Variants in CD81 observed in about 807,000 individuals in gnomAD.
CD81 encodes CD81 molecule, also known as CD81 antigen.
Under a neutral mutation model 30.1 loss-of-function variants are expected in CD81, and 10 were observed. That is an observed-to-expected ratio of 0.33 (90% confidence interval 0.21 to 0.56). The LOEUF is 0.56. Ranked by LOEUF, CD81 falls within the 20% of genes least tolerant of loss-of-function variation. The probability of loss-of-function intolerance (pLI) is 0.89; values close to 1 mark genes in which losing one functional copy is unlikely to be tolerated. For missense variants in CD81, 263 were observed against 308.7 expected (o/e 0.85, Z 1.11); for synonymous variants, 147 against 126.4 (o/e 1.16, Z -1.10).
chr11:2,377,459 C>A lies in CD81; in HGVS notation c.-91C>A, dbSNP rs1229652866. ...CCCCCGCCCCTCGGCCCGCCAGGCC[C>A]CCTTGCCGGCCACCCGCCAGGCCCC... On this transcript the variant is annotated 5_prime_UTR_variant, in exon 1 of 8. Coordinates refer to ENST00000263645, the MANE Select transcript of CD81 (RefSeq NM_004356.4). The surrounding 1 kb of genome is among the most constrained non-coding windows in gnomAD (Gnocchi z 7.7). The A allele has an allele frequency of 2.6e-6, 1 of 385,302 alleles. No individual in the cohort carries two copies. Among genetic ancestry groups the A allele is most frequent in the Admixed American group, 6.7e-5 (1 of 14,986 alleles). The allele number at this position is 385,302 out of a possible 1,614,324, so 23.9% of individuals were successfully genotyped here. A position where few individuals can be genotyped will look rare whatever the true frequency, so the allele number is the denominator to read the frequency against.
chr11:2,397,003 TTTTG>T lies in CD81; in HGVS notation c.*141_*144del, dbSNP rs1486948598. On this transcript the variant is annotated 3_prime_UTR_variant, in exon 8 of 8. Transcript: ENST00000263645. ...ACACGTAGCCTTTTTACTTTTGGGG[TTTTG>T]TTTTTGTTCTGAACTTTCCTGTTAC... The T allele has an allele frequency of 1.1e-5, 9 of 850,960 alleles. No homozygotes were observed. The highest frequency in any genetic ancestry group is 2.7e-5 in the East Asian group (1 of 37,630). 52.7% of individuals were successfully genotyped at this position (850,960 alleles called of 1,614,324 possible).
At chr11:2,388,304 C>T (rs895334246) in intron 1 of CD81, among the ~76,000 whole-genome samples, 20 of 151,578 alleles carry the variant, frequency 1.3e-4, no homozygotes, top group African/African-American at 4.7e-4. Flanking sequence ...ATAGAGCCCC[C>T]AGCTCCTCCA....
chr11:2,384,414 G>T (rs1360603052), intron 1 of CD81, among the ~76,000 whole-genome samples: 48 of 140,952 alleles, frequency 3.4e-4, no homozygotes, highest in Non-Finnish European at 5.6e-4. Context: ...GGGACAGCTT[G>T]GGGGGTGGGG....
At position 2,395,939 on chromosome 11, in the gene CD81, C is replaced by T. The variant is rs960741214; in HGVS notation, c.530C>T (p.Ser177Leu). Reference sequence around the variant, plus strand: ...GTGCTCAAGAACAATTTGTGTCCCTCGGGCAGCAACATCATCAGCAACCTC... The same window carrying T: ...GTGCTCAAGAACAATTTGTGTCCCTTGGGCAGCAACATCATCAGCAACCTC... Reference protein sequence around the residue: ...TSVLKNNLCPSGSNIISNLFK... With the variant: ...TSVLKNNLCPLGSNIISNLFK... Residue 177 changes from serine to leucine, a missense_variant, in exon 6 of 8, where the codon TCG becomes TTG. By Grantham distance (145) the Ser-to-Leu change is moderately radical. Transcript: ENST00000263645. 16 of 1,611,864 alleles carry T rather than the reference C, an allele frequency of 9.9e-6. No individual in the cohort carries two copies. The highest frequency in any genetic ancestry group is 4.5e-5 in the East Asian group (2 of 44,888).
At chr11:2,386,254 G>A in intron 1 of CD81, 1 of 686,456 alleles carries the variant, frequency 1.5e-6, no homozygotes, top group Non-Finnish European at 2.7e-6. Flanking sequence ...TGGGTTGCCA[G>A]TTTTCTTGCT....
chr11:2,394,072 C>T (rs1380460758), intron 2 of CD81, 23 bp from the exon 3 acceptor site: 1 of 1,584,880 alleles, frequency 6.3e-7, no homozygotes, highest in Non-Finnish European at 8.7e-7. Flanking sequence ...TAGGCACCCA[C>T]CTGGTGTCTC....
At position 2,387,579 on chromosome 11, in the gene CD81, A is replaced by G. The variant is rs147421157; in HGVS notation, c.67-2833A>G. On this transcript the variant is annotated intron_variant, in intron 1 of 7. Transcript: ENST00000263645. The stretch of plus-strand genomic sequence containing the variant: ...CCTTCCTGCCTCTCCTGCACTGTCC[A>G]CGGCCCTCCCTGTGCTCCCACGGGT... Among the ~76,000 whole-genome samples, 4 of 151,656 alleles carry G rather than the reference A, an allele frequency of 2.6e-5. No individual in the cohort carries two copies. The East Asian group carries it at 7.8e-4, about 30-fold the overall frequency.
Position 2,395,524 on chromosome 11 carries a change from C to G in CD81, c.459+4C>G, listed in dbSNP as rs116421908. The G allele has an allele frequency of 7.5e-6, 12 of 1,610,178 alleles. No individual in the cohort carries two copies. Among genetic ancestry groups the G allele is most frequent in the Non-Finnish European group, 1.0e-5 (12 of 1,177,800 alleles). On this transcript the variant is annotated splice_donor_region_variant and intron_variant, in intron 5 of 7. Transcript: ENST00000263645. The stretch of plus-strand genomic sequence containing the variant: ...GGTGAAGACCTTCCACGAGACGGTG[C>G]GGCCCCGGGGGGCGAGGGCGGGGAG...
chr11:2,378,615 G>A lies in CD81; in HGVS notation c.66+1000G>A, dbSNP rs772118387. On this transcript the variant is annotated intron_variant, in intron 1 of 7. Coordinates refer to ENST00000263645, the MANE Select transcript of CD81 (RefSeq NM_004356.4). This position sits in a 1 kb window ranked among gnomAD's most constrained non-coding sequence, Gnocchi z 4.9. ...TGTCGGTGTTAGAATTGGGGAGGGG[G>A]TGGAAATCCCTTCTTGGCCTGGAAG... Among the ~76,000 whole-genome samples, 1 of 152,184 alleles carries A rather than the reference G, an allele frequency of 6.6e-6. No homozygotes were observed. The highest frequency in any genetic ancestry group is 1.5e-5 in the Non-Finnish European group (1 of 68,030).
chr11:2,389,005 T>C (rs942940624), intron 1 of CD81, among the ~76,000 whole-genome samples: 1 of 152,128 alleles, frequency 6.6e-6, no homozygotes, highest in Non-Finnish European at 1.5e-5. Context: ...ACTGTCCTCC[T>C]GGAGCAGCAG....
intron 2 of CD81, chr11:2,390,973 C>T (rs1182835132): frequency 1.4e-5 from 4 of 280,484 alleles, no homozygotes; most frequent in Non-Finnish European, 2.8e-5. Flanking sequence ...GGAGACGCCC[C>T]AGAGGCGGTG....
rs1247091125 is a variant in CD81, at chr11:2,377,424, T to G, written c.-126T>G. 2 of 54,920 alleles carry G rather than the reference T, an allele frequency of 3.6e-5. No homozygotes were observed. The highest frequency in any genetic ancestry group is 7.8e-5 in the Non-Finnish European group (2 of 25,700). 3.4% of individuals were successfully genotyped at this position (54,920 alleles called of 1,614,324 possible). A position where few individuals can be genotyped will look rare whatever the true frequency, so the allele number is the denominator to read the frequency against. On this transcript the variant is annotated 5_prime_UTR_variant, in exon 1 of 8. Coordinates refer to ENST00000263645, the MANE Select transcript of CD81 (RefSeq NM_004356.4). This position sits in a 1 kb window ranked among gnomAD's most constrained non-coding sequence, Gnocchi z 7.7. ...CCGCGCCCCCGCGCCCCCGCGCCCC[T>G]TTCTTCGCGCCCCCGCCCCTCGGCC...
chr11:2,390,426 G>A lies in CD81; in HGVS notation c.81G>A (p.Val27=). ...CTCTTTCCCAGCTGGCTGGAGGCGT[G>A]ATCCTGGGTGTGGCCCTGTGGCTCC... ...FNFVFWLAGG[V]ILGVALWLRH... is the part of the protein sequence containing the mutation. The change falls in exon 2 of 8, where the codon GTG becomes GTA. Residue 27 remains valine (V), a synonymous_variant. Transcript: ENST00000263645. The A allele has an allele frequency of 6.2e-7, 1 of 1,612,742 alleles. No homozygotes were observed. Among genetic ancestry groups the A allele is most frequent in the South Asian group, 1.1e-5 (1 of 91,082 alleles).
intron 1 of CD81, among the ~76,000 whole-genome samples, chr11:2,387,687 TC>T (rs1422040044): frequency 5.3e-5 from 8 of 152,100 alleles, no homozygotes; most frequent in African/African-American, 1.7e-4. Context: ...TGGGGCCTTG[TC>T]ATGTGAGGGG....
At chr11:2,387,948 G>C (rs992775931) in intron 1 of CD81, among the ~76,000 whole-genome samples, 1 of 152,242 alleles carries the variant, frequency 6.6e-6, no homozygotes. Context: ...GTTGTTTCGG[G>C]TGTGTGGAGA....
At chr11:2,389,979 C>T (rs1015762140) in intron 1 of CD81, 27 of 344,684 alleles carry the variant, frequency 7.8e-5, no homozygotes, top group African/African-American at 5.4e-4. Context: ...CCTGGTATCA[C>T]CTCTGGCCAG....
chr11:2,388,546 G>T (rs1381950594), intron 1 of CD81, among the ~76,000 whole-genome samples: 1 of 152,212 alleles, frequency 6.6e-6, no homozygotes, highest in Non-Finnish European at 1.5e-5. Context: ...TTTCTCTTCT[G>T]CAGTTGACCG....
intron 2 of CD81, chr11:2,392,204 C>G (rs891630957): frequency 6.6e-6 from 1 of 152,328 alleles, no homozygotes; most frequent in Non-Finnish European, 1.5e-5. Flanking sequence ...AGGCTTGTGG[C>G]TGGAGCAGCT....
intron 6 of CD81, chr11:2,396,338 C>G (rs1005690107): frequency 3.5e-6 from 2 of 579,512 alleles, no homozygotes; most frequent in African/African-American, 3.7e-5. Flanking sequence ...CAGTGGAAGT[C>G]GTCATCAGTG....
Sources: allele counts gnomAD v4.1 joint callset (sites outside exome capture counted in the v4.1 genomes callset), GRCh38; gene constraint gnomAD v4.1.1; non-coding constraint Gnocchi (gnomAD v3.1); transcripts MANE v1.5; gene names NCBI Gene and HGNC (gene_info 2026-07-23, HGNC 2026-07-21).